EEA1: variants seen among roughly 807,000 people sequenced by gnomAD.
The protein encoded by EEA1 is early endosome antigen 1, 162kD.
In EEA1, 111 loss-of-function variants were observed where a neutral mutation model predicts 209.2. That is an observed-to-expected ratio of 0.53 (90% confidence interval 0.45 to 0.62). EEA1 has a LOEUF of 0.62. Among genes scored for constraint, EEA1 ranks in the 20% least tolerant of loss-of-function variants. EEA1 has a pLI of 0.00. For synonymous variants in EEA1, 536 were observed against 540.6 expected (o/e 0.99, Z 0.12); for missense variants, 1,343 against 1,530.8 (o/e 0.88, Z 2.05).
intron 10 of EEA1, 61 bp from the exon 11 acceptor site, chr12:92,832,911 C>G: frequency 8.0e-7 from 1 of 1,250,490 alleles, no homozygotes; most frequent in Non-Finnish European, 1.1e-6. Flanking sequence ...TCCAATTACT[C>G]AAACAATCTT....
chr12:92,809,578 C>A (rs1408623442), intron 17 of EEA1, among the ~76,000 whole-genome samples: 1 of 150,172 alleles, frequency 6.7e-6, no homozygotes, highest in African/African-American at 2.4e-5. Flanking sequence ...GCCTGAAGTC[C>A]CAGCTACTCA....
intron 12 of EEA1, 63 bp from the exon 13 acceptor site, chr12:92,826,348 C>A: frequency 6.9e-7 from 1 of 1,442,178 alleles, no homozygotes; most frequent in Admixed American, 1.8e-5. Context: ...TCATAAGTAT[C>A]TGGCATTACT....
chr12:92,785,213 G>C (rs1464555044), intron 22 of EEA1, among the ~76,000 whole-genome samples: 2 of 152,040 alleles, frequency 1.3e-5, no homozygotes, highest in African/African-American at 2.4e-5. Context: ...AACAAAGAGT[G>C]GTGTACAGCA....
rs12300136 is a variant in EEA1 at position 92,847,001 on chromosome 12, G to A, written c.798+4110C>T. Among the ~76,000 whole-genome samples the A allele has an allele frequency of 1.8e-3, 281 of 152,010 alleles. 1 individual carries two copies. Among genetic ancestry groups the A allele is most frequent in the African/African-American group, 6.6e-3 (275 of 41,458 alleles). ...GAGTCTCACTCTGCTGCCCAGGTTC[G>A]AAGTACAGTGACATGATCTTGGCTC... On this transcript the variant is annotated intron_variant, in intron 9 of 28. Transcript: ENST00000322349.
Position 92,824,599 on chromosome 12 carries a change from AT to A in EEA1, c.1524+1566del, listed in dbSNP as rs552108628. ...TGAGACATGCTCCTGCCTCTGGACCATTTAACATACTAATGTTCTTCTCTCT... is the reference window on the plus strand; with the variant it reads ...TGAGACATGCTCCTGCCTCTGGACCATTAACATACTAATGTTCTTCTCTCT... On this transcript the variant is annotated intron_variant, in intron 13 of 28. Coordinates refer to ENST00000322349, the MANE Select transcript of EEA1 (RefSeq NM_003566.4). Among the ~76,000 whole-genome samples the A allele has an allele frequency of 2.3e-4, 35 of 152,264 alleles. No individual in the cohort carries two copies. The South Asian group carries it at 6.2e-3, about 27-fold the overall frequency.
At chr12:92,849,904 G>A (rs1010499440) in intron 9 of EEA1, among the ~76,000 whole-genome samples, 5 of 152,058 alleles carry the variant, frequency 3.3e-5, no homozygotes, top group Admixed American at 3.3e-4. Flanking sequence ...TTACATAAGG[G>A]AGCTTAAAGA....
At chr12:92,852,551 A>G (rs1783408584) in intron 7 of EEA1, among the ~76,000 whole-genome samples, 1 of 152,132 alleles carries the variant, frequency 6.6e-6, no homozygotes, top group South Asian at 2.1e-4. Context: ...ACCTAAAAGC[A>G]CATGTTAAAA....
intron 10 of EEA1, chr12:92,835,461 G>GAGTGC (rs781514501): frequency 5.5e-5 from 14 of 256,290 alleles, no homozygotes; most frequent in South Asian, 4.3e-4. Context: ...GCCCAGGTGG[G>GAGTGC]AGTGCAGTGG....
chr12:92,832,379 T>A (rs918469145), intron 11 of EEA1, 133 bp downstream of exon 11: 1 of 861,998 alleles, frequency 1.2e-6, no homozygotes, highest in Middle Eastern at 3.3e-4. Flanking sequence ...CTACAGGATA[T>A]AAAAGTTAAG....
rs750849231 is a variant in EEA1 at position 92,891,622 on chromosome 12, T to C, written c.117+7A>G. ...TGAATTTTATTGCCAAGTTATTATT[T>C]TCATACCTCTGAAGAGCTTTCATTA... On this transcript the variant is annotated splice_region_variant and intron_variant, in intron 2 of 28. Coordinates refer to ENST00000322349, the MANE Select transcript of EEA1 (RefSeq NM_003566.4). 6.3e-7 allele frequency: 1 copy of C among 1,574,982 alleles called. No individual in the cohort carries two copies. The highest frequency in any genetic ancestry group is 8.6e-7 in the Non-Finnish European group (1 of 1,161,386).
In EEA1 at chr12:92,774,088, G is replaced by A. The variant is rs1181504998; in HGVS notation, c.*1923C>T. ...AAAAACAGTGGTGCTGTGAATATCT[G>A]TGTTTTTCCAGCACACTTATTAAGT... is the stretch of plus-strand genomic sequence containing the variant. On this transcript the variant is annotated 3_prime_UTR_variant, in exon 29 of 29. Coordinates refer to ENST00000322349, the MANE Select transcript of EEA1 (RefSeq NM_003566.4). 4 of 147,078 alleles carry A rather than the reference G, an allele frequency of 2.7e-5. No homozygotes were observed. Among genetic ancestry groups the A allele is most frequent in the Admixed American group, 2.1e-4 (3 of 14,632 alleles). The allele number at this position is 147,078 out of a possible 1,614,324, so 9.1% of individuals were successfully genotyped here.
chr12:92,868,069 C>T (rs1351539994), intron 2 of EEA1, among the ~76,000 whole-genome samples: 1 of 152,108 alleles, frequency 6.6e-6, no homozygotes, highest in Admixed American at 6.5e-5. Flanking sequence ...GGCAGGGGCA[C>T]AACAGGTGAT....
chr12:92,879,201 A>ATTTTTTTTTTTTTTTTTTT (rs34766702), intron 2 of EEA1: 2 of 234,004 alleles, frequency 8.5e-6, no homozygotes, highest in Non-Finnish European at 8.2e-6. Context: ...TGGATTCTGG[A>ATTTTTTTTTTTTTTTTTTT]TTTTTTTTTT....
chr12:92,800,082 C>T (rs565228555), intron 20 of EEA1, among the ~76,000 whole-genome samples: 2 of 150,860 alleles, frequency 1.3e-5, no homozygotes, highest in African/African-American at 4.9e-5. Context: ...ATTAGCCAGG[C>T]GTGGTGGCAG....
chr12:92,928,363 A>C (rs1881289864), intron 1 of EEA1, among the ~76,000 whole-genome samples: 1 of 152,228 alleles, frequency 6.6e-6, no homozygotes, highest in African/African-American at 2.4e-5. Context: ...GATCAAGCTT[A>C]CTGCGGATTT....
intron 22 of EEA1, among the ~76,000 whole-genome samples, chr12:92,784,709 G>C (rs975036767): frequency 4.6e-5 from 7 of 152,070 alleles, no homozygotes; most frequent in African/African-American, 1.4e-4. Flanking sequence ...CAATGACATA[G>C]ATGAACATTT....
intron 3 of EEA1, chr12:92,859,053 T>C (rs1412551559): frequency 4.2e-6 from 3 of 715,934 alleles, no homozygotes; most frequent in Admixed American, 2.5e-5. Context: ...CTTATTCTAT[T>C]GGAGTTTCTC....
Position 92,779,088 on chromosome 12 carries a change from C to G in EEA1, c.3654+27G>C, listed in dbSNP as rs1433006178. On this transcript the variant is annotated intron_variant, in intron 25 of 28. Transcript: ENST00000322349. The stretch of plus-strand genomic sequence containing the variant: ...ATTGATTTAAAGCTCTACTGCAAAA[C>G]ACACTTCCCCCGATTAACTCACTGA... 2.5e-6 allele frequency: 4 copies of G among 1,573,036 alleles called. No homozygotes were observed. In the Admixed American group the frequency reaches 7.9e-5, roughly 31 times the overall value.
chr12:92,814,288 A>T (rs1875671685), intron 15 of EEA1, among the ~76,000 whole-genome samples: 2 of 152,246 alleles, frequency 1.3e-5, no homozygotes, highest in African/African-American at 4.8e-5. Context: ...ACATTGATTT[A>T]AAGGTGAAAA....
Sources: gnomAD v4.1 joint callset for allele counts (sites outside exome capture counted in the v4.1 genomes callset) on GRCh38, gnomAD v4.1.1 for gene constraint, MANE v1.5 for transcripts, NCBI Gene and HGNC (gene_info 2026-07-23, HGNC 2026-07-21) for gene names.